The following ITGA11 variants were observed in gnomAD, a reference collection of about 807,000 sequenced individuals.
The protein encoded by ITGA11 is integrin alpha-11.
ITGA11 carries 97 observed loss-of-function variants against 141.9 expected under a neutral mutation model. That is an observed-to-expected ratio of 0.68 (90% confidence interval 0.58 to 0.81). The LOEUF is 0.81. Among genes scored for constraint, ITGA11 ranks in the 30% least tolerant of loss-of-function variants. ITGA11 has a pLI of 0.00. For missense variants in ITGA11, 1,387 were observed against 1,559.2 expected (o/e 0.89, Z 1.86); for synonymous variants, 658 against 624.6 (o/e 1.05, Z -0.80).
chr15:68,328,147 G>A lies in ITGA11; in HGVS notation c.2017C>T (p.Leu673Phe). The change falls in exon 16 of 30, where the codon CTC becomes TTC. Residue 673 changes from leucine to phenylalanine, a missense_variant. By Grantham distance (22) the Leu-to-Phe change is conservative. Coordinates refer to ENST00000315757, the MANE Select transcript of ITGA11 (RefSeq NM_001004439.2). This position sits in a 1 kb window ranked among gnomAD's most constrained non-coding sequence, Gnocchi z 4.8. Reference protein sequence around the residue: ...GRDATCLAAFLCFTPIFLAPH... With the variant: ...GRDATCLAAFFCFTPIFLAPH... Reference sequence around the variant, plus strand: ...GCCAGGAAGATGGGCGTGAAGCAGAGGAAGGCGGCCAGGCAGGTGGCATCC... The same window carrying A: ...GCCAGGAAGATGGGCGTGAAGCAGAAGAAGGCGGCCAGGCAGGTGGCATCC... 6.2e-7 allele frequency: 1 copy of A among 1,613,940 alleles called. No homozygotes were observed. The highest frequency in any genetic ancestry group is 1.6e-4 in the Middle Eastern group (1 of 6,062).
chr15:68,367,454 C>A (rs192761905), intron 3 of ITGA11, among the ~76,000 whole-genome samples: 406 of 152,228 alleles, frequency 2.7e-3, no homozygotes, highest in Non-Finnish European at 4.6e-3. Flanking sequence ...CTGGAGTGCT[C>A]CGCCCCCACC....
At chr15:68,350,995 G>A (rs1294810073) in intron 8 of ITGA11, among the ~76,000 whole-genome samples, 1 of 152,208 alleles carries the variant, frequency 6.6e-6, no homozygotes, top group African/African-American at 2.4e-5. Flanking sequence ...GAGCTGGGAG[G>A]TTTGGAGGTG....
rs147821271 is a variant in ITGA11, at chr15:68,307,653, C to T, written c.3218G>A (p.Arg1073Gln). ...SDVVSINCNI[R>Q]LVPNQEINFH... ...ATTGATTTCCTGGTTGGGGACCAGC[C>T]GTATATTGCAGTTGATGGAGACGAC... is the stretch of plus-strand genomic sequence containing the variant. Residue 1073 changes from arginine to glutamine, a missense_variant, in exon 27 of 30, where the codon CGG becomes CAG. Coordinates refer to ENST00000315757, the MANE Select transcript of ITGA11 (RefSeq NM_001004439.2). This position sits in a 1 kb window ranked among gnomAD's most constrained non-coding sequence, Gnocchi z 6.1. 1.3e-5 allele frequency: 21 copies of T among 1,613,812 alleles called. No individual in the cohort carries two copies. Among genetic ancestry groups the T allele is most frequent in the Middle Eastern group, 1.7e-4 (1 of 6,060 alleles).
At chr15:68,345,278 C>T (rs1263797697) in intron 10 of ITGA11, among the ~76,000 whole-genome samples, 1 of 152,162 alleles carries the variant, frequency 6.6e-6, no homozygotes, top group East Asian at 1.9e-4. Flanking sequence ...AGCTAGCCTT[C>T]CTGATGATAA....
intron 7 of ITGA11, among the ~76,000 whole-genome samples, chr15:68,353,157 C>A (rs1421312274): frequency 6.6e-6 from 1 of 152,218 alleles, no homozygotes; most frequent in Non-Finnish European, 1.5e-5. Context: ...CGCTGAGGAA[C>A]TGATGCATAC....
At chr15:68,364,020 AG>A (rs1895338783) in intron 4 of ITGA11, among the ~76,000 whole-genome samples, 1 of 152,242 alleles carries the variant, frequency 6.6e-6, no homozygotes, top group South Asian at 2.1e-4. Context: ...CCCGGTGCCC[AG>A]CACTGGGCTT....
chr15:68,403,731 T>C (rs1045068610), intron 1 of ITGA11, among the ~76,000 whole-genome samples: 1 of 152,036 alleles, frequency 6.6e-6, no homozygotes, highest in Non-Finnish European at 1.5e-5. Context: ...TCCTTTCAGG[T>C]TCAAGAGATT....
chr15:68,351,527 C>T, intron 7 of ITGA11, 125 bp from the exon 8 acceptor site: 2 of 985,988 alleles, frequency 2.0e-6, no homozygotes, highest in Non-Finnish European at 3.0e-6. Context: ...CCAACAGGTG[C>T]CAGGACCTCA....
At position 68,328,066 on chromosome 15, in the gene ITGA11, G is replaced by A; in HGVS notation, c.2068+30C>T. On this transcript the variant is annotated intron_variant, in intron 16 of 29. Coordinates refer to ENST00000315757, the MANE Select transcript of ITGA11 (RefSeq NM_001004439.2). The surrounding 1 kb of genome is among the most constrained non-coding windows in gnomAD (Gnocchi z 4.8). ...GGTGCAGGGGGAGACTGGAGTCTGG[G>A]GGTGGGGAGAAAGGAGGGGCCTGCT... is the stretch of plus-strand genomic sequence containing the variant. 6.3e-7 allele frequency: 1 copy of A among 1,598,406 alleles called. No individual in the cohort carries two copies. The highest frequency in any genetic ancestry group is 8.5e-7 in the Non-Finnish European group (1 of 1,171,622).
At chr15:68,347,401 T>C (rs1237505224) in intron 10 of ITGA11, among the ~76,000 whole-genome samples, 1 of 152,182 alleles carries the variant, frequency 6.6e-6, no homozygotes, top group Non-Finnish European at 1.5e-5. Context: ...TGGTGTGAAA[T>C]GAGGTGCAGG....
intron 2 of ITGA11, among the ~76,000 whole-genome samples, chr15:68,370,811 G>A (rs1895565233): frequency 6.6e-6 from 1 of 152,190 alleles, no homozygotes; most frequent in Admixed American, 6.5e-5. Context: ...CTGGTGACAT[G>A]GCCCAAAGAA....
At position 68,303,637 on chromosome 15, in the gene ITGA11, G is replaced by T; in HGVS notation, c.3495+135C>A. 1 of 598,212 alleles carries T rather than the reference G, an allele frequency of 1.7e-6. No individual in the cohort carries two copies. The highest frequency in any genetic ancestry group is 3.0e-6 in the Non-Finnish European group (1 of 334,838). The allele number at this position is 598,212 out of a possible 1,614,324, so 37.1% of individuals were successfully genotyped here. ...GCCGTCTGTTGGCCCTAACCAGTGTGTCTGCTATGGCGAGGGGTGGGGTGC... is the reference window on the plus strand; with the variant it reads ...GCCGTCTGTTGGCCCTAACCAGTGTTTCTGCTATGGCGAGGGGTGGGGTGC... On this transcript the variant is annotated intron_variant, in intron 29 of 29. Coordinates refer to ENST00000315757, the MANE Select transcript of ITGA11 (RefSeq NM_001004439.2). The surrounding 1 kb of genome is among the most constrained non-coding windows in gnomAD (Gnocchi z 5.3).
chr15:68,361,435 G>A (rs1213445405), intron 5 of ITGA11, among the ~76,000 whole-genome samples, 155 bp downstream of exon 5: 2 of 152,222 alleles, frequency 1.3e-5, no homozygotes, highest in East Asian at 1.9e-4. Flanking sequence ...GGCCCAGAGA[G>A]TGGAGTGATA....
In ITGA11 at chr15:68,335,656, C is replaced by T. The variant is rs1196130400; in HGVS notation, c.1425+41G>A. ...GCCCTCCCATTTGTCTGATCTGCCC[C>T]CTCTTCCCTCCATCCCGGCCCCAGG... On this transcript the variant is annotated intron_variant, in intron 12 of 29. Coordinates refer to ENST00000315757, the MANE Select transcript of ITGA11 (RefSeq NM_001004439.2). The surrounding 1 kb of genome is among the most constrained non-coding windows in gnomAD (Gnocchi z 4.9). The T allele has an allele frequency of 1.2e-6, 2 of 1,605,922 alleles. No individual in the cohort carries two copies. Among genetic ancestry groups the T allele is most frequent in the South Asian group, 2.2e-5 (2 of 89,594 alleles).
In ITGA11 at chr15:68,303,204, A is replaced by G. The variant is rs959412551; in HGVS notation, c.3496-74T>C. On this transcript the variant is annotated intron_variant, in intron 29 of 29. Transcript: ENST00000315757. This position sits in a 1 kb window ranked among gnomAD's most constrained non-coding sequence, Gnocchi z 5.3. The stretch of plus-strand genomic sequence containing the variant: ...GGCCTGCCCCAGCTTTCCCTCCACT[A>G]CCTTTCCTTGGGATTCCTCCCTCAG... 3.0e-6 allele frequency: 4 copies of G among 1,312,560 alleles called. No individual in the cohort carries two copies. In the African/African-American group the frequency reaches 4.5e-5, roughly 15 times the overall value. 81.3% of individuals were successfully genotyped at this position (1,312,560 alleles called of 1,614,324 possible).
At chr15:68,332,977 C>G (rs1894224998) in intron 12 of ITGA11, among the ~76,000 whole-genome samples, 1 of 152,146 alleles carries the variant, frequency 6.6e-6, no homozygotes. Context: ...TTAAATAAAA[C>G]AATACATCAT....
chr15:68,427,711 C>T (rs1181386146), intron 1 of ITGA11, among the ~76,000 whole-genome samples: 6 of 152,176 alleles, frequency 3.9e-5, no homozygotes, highest in Admixed American at 2.6e-4. Flanking sequence ...TCAGTGGTAA[C>T]AAACTTAATG....
intron 2 of ITGA11, among the ~76,000 whole-genome samples, chr15:68,388,401 A>G (rs2140387108): frequency 1.3e-5 from 2 of 152,142 alleles, no homozygotes; most frequent in Non-Finnish European, 2.9e-5. Context: ...TCATGGCGGC[A>G]TCCTAGACAG....
chr15:68,358,614 C>T, intron 5 of ITGA11, 29 bp from the exon 6 acceptor site: 2 of 1,595,440 alleles, frequency 1.3e-6, no homozygotes, highest in Non-Finnish European at 1.7e-6. Flanking sequence ...GTTATGGCTA[C>T]CCAAGGAGCA....
Sources: gnomAD v4.1 joint callset for allele counts (sites outside exome capture counted in the v4.1 genomes callset) on GRCh38, gnomAD v4.1.1 for gene constraint, Gnocchi (gnomAD v3.1) non-coding constraint, MANE v1.5 for transcripts, NCBI Gene and HGNC (gene_info 2026-07-23, HGNC 2026-07-21) for gene names.